Variants in OR9G4 observed in about 807,000 individuals in gnomAD.
OR9G4 encodes olfactory receptor 9G4.
In OR9G4, 19 loss-of-function variants were observed where a neutral mutation model predicts 16.7. That is an observed-to-expected ratio of 1.14 (90% CI 0.79 to 1.67). The LOEUF is 1.67. Among genes scored for constraint, OR9G4 ranks in the 40% most tolerant of loss-of-function variants. OR9G4 has a pLI of 0.00. For missense variants in OR9G4, 428 were observed against 370.4 expected (o/e 1.16, Z -1.28); for synonymous variants, 182 against 146.2 (o/e 1.24, Z -1.76).
Position 56,742,739 on chromosome 11 carries a change from C to T in OR9G4, c.*89G>A, listed in dbSNP as rs1858320347. 3 of 1,152,860 alleles carry T rather than the reference C, an allele frequency of 2.6e-6. No homozygotes were observed. Among genetic ancestry groups the T allele is most frequent in the Non-Finnish European group, 3.7e-6 (3 of 804,360 alleles). 71.4% of individuals were successfully genotyped at this position (1,152,860 alleles called of 1,614,324 possible). ...AATGTTTTAAATATGACTTATTGAA[C>T]TTAATTGAACTACAGAAATGCAAAT... On this transcript the variant is annotated 3_prime_UTR_variant, in exon 2 of 2. Coordinates refer to ENST00000641668, the MANE Select transcript of OR9G4 (RefSeq NM_001005284.2).
chr11:56,747,186 A>T (rs200074401), intron 1 of OR9G4, among the ~76,000 whole-genome samples: 6 of 35,886 alleles, frequency 1.7e-4, no homozygotes, highest in East Asian at 1.4e-3. Flanking sequence ...TCAAAGATTT[A>T]TTATTATTAT....
chr11:56,742,640 TAA>T lies in OR9G4; in HGVS notation c.*186_*187del. On this transcript the variant is annotated 3_prime_UTR_variant, in exon 2 of 2. Transcript: ENST00000641668. ...CAGAATGCCAAACAACCCAATATTA[TAA>T]GTTTTAAATATTACTTTGTTTTGTT... 3.4e-6 allele frequency: 2 copies of T among 587,136 alleles called. No individual in the cohort carries two copies. The highest frequency in any genetic ancestry group is 4.7e-5 in the South Asian group (2 of 42,426). The allele number at this position is 587,136 out of a possible 1,614,324, so 36.4% of individuals were successfully genotyped here.
At position 56,741,469 on chromosome 11, in the gene OR9G4, A is replaced by G. The variant is rs1167041719; in HGVS notation, c.*1359T>C. ...TATTATGGAGATGAAAAGAAAACAT[A>G]ATATGGATCATTGATATTTGCGGGA... On this transcript the variant is annotated 3_prime_UTR_variant, in exon 2 of 2. Transcript: ENST00000641668. 6.4e-6 allele frequency: 1 copy of G among 155,720 alleles called. No individual in the cohort carries two copies. The highest frequency in any genetic ancestry group is 2.4e-5 in the African/African-American group (1 of 41,490). 9.6% of individuals were successfully genotyped at this position (155,720 alleles called of 1,614,324 possible). A position where few individuals can be genotyped will look rare whatever the true frequency, so the allele number is the denominator to read the frequency against.
intron 1 of OR9G4, among the ~76,000 whole-genome samples, chr11:56,744,319 G>T (rs967946605): frequency 1.3e-5 from 2 of 152,184 alleles, no homozygotes; most frequent in African/African-American, 2.4e-5. Flanking sequence ...CTCCCAAAGT[G>T]CTGGGATTAC....
At position 56,741,506 on chromosome 11, in the gene OR9G4, T is replaced by G. The variant is rs1338091781; in HGVS notation, c.*1322A>C. 1 of 152,930 alleles carries G rather than the reference T, an allele frequency of 6.5e-6. No homozygotes were observed. The highest frequency in any genetic ancestry group is 1.9e-4 in the East Asian group (1 of 5,192). 9.5% of individuals were successfully genotyped at this position (152,930 alleles called of 1,614,324 possible). ...TGATATTTGCGGGATACACCCCAAA[T>G]CCTTCTAGTCAAGTACTCAAACAGC... is the stretch of plus-strand genomic sequence containing the variant. On this transcript the variant is annotated 3_prime_UTR_variant, in exon 2 of 2. Transcript: ENST00000641668.
Position 56,743,803 on chromosome 11 carries a change from G to A in OR9G4, c.-22-15C>T. ...TGAAAGCCTGACTATCATGAGAAGG[G>A]AAAATCATCACTTAGTGTTTTTTCT... On this transcript the variant is annotated splice_polypyrimidine_tract_variant and intron_variant, in intron 1 of 1. Coordinates refer to ENST00000641668, the MANE Select transcript of OR9G4 (RefSeq NM_001005284.2). 1.2e-6 allele frequency: 2 copies of A among 1,608,202 alleles called. No homozygotes were observed. Among genetic ancestry groups the A allele is most frequent in the African/African-American group, 1.3e-5 (1 of 74,758 alleles).
Position 56,743,704 on chromosome 11 carries a change from G to T in OR9G4, c.63C>A (p.Ser21=). 5 of 1,614,140 alleles carry T rather than the reference G, an allele frequency of 3.1e-6. No homozygotes were observed. The highest frequency in any genetic ancestry group is 2.2e-5 in the South Asian group (2 of 91,082). The change falls in exon 2 of 2, where the codon TCC becomes TCA. Residue 21 remains serine (S), a synonymous_variant. Transcript: ENST00000641668. Reference sequence around the variant, plus strand: ...CTCCAAATAGAATCGGCTGCCACTGGGAATCTGCTGAGAAACCCAACAAGA... The same window carrying T: ...CTCCAAATAGAATCGGCTGCCACTGTGAATCTGCTGAGAAACCCAACAAGA... ...EFILLGFSAD[S]QWQPILFGVF...
At chr11:56,745,742 A>G (rs1039764376) in intron 1 of OR9G4, among the ~76,000 whole-genome samples, 1 of 151,342 alleles carries the variant, frequency 6.6e-6, no homozygotes, top group African/African-American at 2.4e-5. Flanking sequence ...ATTGCACTCC[A>G]GCAAGGGTGA....
chr11:56,745,894 G>A (rs1858401948), intron 1 of OR9G4, among the ~76,000 whole-genome samples: 1 of 152,148 alleles, frequency 6.6e-6, no homozygotes, highest in African/African-American at 2.4e-5. Flanking sequence ...GGGATACACA[G>A]GACATTACCA....
chr11:56,743,782 AG>A lies in OR9G4; in HGVS notation c.-17del, dbSNP rs746318657. The A allele has an allele frequency of 1.9e-6, 3 of 1,613,516 alleles. No individual in the cohort carries two copies. Among genetic ancestry groups the A allele is most frequent in the Non-Finnish European group, 2.5e-6 (3 of 1,179,758 alleles). On this transcript the variant is annotated 5_prime_UTR_variant, in exon 2 of 2. Coordinates refer to ENST00000641668, the MANE Select transcript of OR9G4 (RefSeq NM_001005284.2). ...CCACTTCCATGTCCACGGAGGTGAA[AG>A]CCTGACTATCATGAGAAGGGAAAAT...
rs987007687 is a variant in OR9G4, at chr11:56,741,529, A to G, written c.*1299T>C. 6.6e-6 allele frequency: 1 copy of G among 152,500 alleles called. No individual in the cohort carries two copies. Among genetic ancestry groups the G allele is most frequent in the Non-Finnish European group, 1.5e-5 (1 of 68,290 alleles). The allele number at this position is 152,500 out of a possible 1,614,324, so 9.4% of individuals were successfully genotyped here. On this transcript the variant is annotated 3_prime_UTR_variant, in exon 2 of 2. Transcript: ENST00000641668. ...AATCCTTCTAGTCAAGTACTCAAAC[A>G]GCTTCCTTTGTGATAGAGGAATAAG...
chr11:56,741,270 A>T lies in OR9G4; in HGVS notation c.*1558T>A, dbSNP rs944819129. On this transcript the variant is annotated 3_prime_UTR_variant, in exon 2 of 2. Transcript: ENST00000641668. The stretch of plus-strand genomic sequence containing the variant: ...TGTTATGATTTTGAGATCAGACTAT[A>T]ATATATACTACAGTATTGTAGATTC... 6.0e-6 allele frequency: 2 copies of T among 335,716 alleles called. No individual in the cohort carries two copies. The highest frequency in any genetic ancestry group is 4.4e-5 in the African/African-American group (2 of 45,872). 20.8% of individuals were successfully genotyped at this position (335,716 alleles called of 1,614,324 possible).
intron 1 of OR9G4, among the ~76,000 whole-genome samples, chr11:56,744,354 G>A (rs751837882): frequency 3.3e-5 from 5 of 152,078 alleles, no homozygotes; most frequent in African/African-American, 4.8e-5. Context: ...GCACCTGGCC[G>A]ACTAGTAACT....
rs1565064492 is a variant in OR9G4 at position 56,743,012 on chromosome 11, T to C, written c.755A>G (p.Tyr252Cys). The change falls in exon 2 of 2, where the codon TAT (tyrosine) becomes TGT (cysteine). Residue 252 changes from tyrosine to cysteine, a missense_variant. By Grantham distance (194) the Tyr-to-Cys change is radical (BLOSUM62 -2). Coordinates refer to ENST00000641668, the MANE Select transcript of OR9G4 (RefSeq NM_001005284.2). ...TGAATACATAAACAACAATGATCCA[T>C]AGAAGAGCATGACTGAGATGAGGTG... Reference protein sequence around the residue: ...ASHLISVMLFYGSLLFMYSRP... With the variant: ...ASHLISVMLFCGSLLFMYSRP... 3 of 1,613,878 alleles carry C rather than the reference T, an allele frequency of 1.9e-6. No individual in the cohort carries two copies. Among genetic ancestry groups the C allele is most frequent in the Non-Finnish European group, 2.5e-6 (3 of 1,179,894 alleles).
Position 56,743,266 on chromosome 11 carries a change from A to G in OR9G4, c.501T>C (p.His167=), listed in dbSNP as rs1590607099. The G allele has an allele frequency of 6.2e-7, 1 of 1,614,200 alleles. No homozygotes were observed. The highest frequency in any genetic ancestry group is 8.5e-7 in the Non-Finnish European group (1 of 1,180,030). Residue 167 remains histidine (H), a synonymous_variant, in exon 2 of 2, where the codon CAT becomes CAC. Transcript: ENST00000641668. ...GGTCAATGATATTTTTACCACAAAA[A>G]TGCAGGCGGAATGTATTGGCAGTAT... is the stretch of plus-strand genomic sequence containing the variant. ...IAHTANTFRL[H]FCGKNIIDHF...
chr11:56,747,364 A>G (rs1001536389), intron 1 of OR9G4, among the ~76,000 whole-genome samples: 2 of 151,904 alleles, frequency 1.3e-5, no homozygotes, highest in African/African-American at 2.4e-5. Flanking sequence ...TTTAAATTCC[A>G]TGCCCCTTTT....
At position 56,742,684 on chromosome 11, in the gene OR9G4, A is replaced by C; in HGVS notation, c.*144T>G. On this transcript the variant is annotated 3_prime_UTR_variant, in exon 2 of 2. Transcript: ENST00000641668. ...TGTTTTGTTTACATCATAACAAACG[A>C]ATAACAAGGAGTCATGTGGTCAATA... is the stretch of plus-strand genomic sequence containing the variant. 1.4e-6 allele frequency: 1 copy of C among 697,748 alleles called. No homozygotes were observed. The highest frequency in any genetic ancestry group is 2.4e-6 in the Non-Finnish European group (1 of 416,166). The allele number at this position is 697,748 out of a possible 1,614,324, so 43.2% of individuals were successfully genotyped here.
intron 1 of OR9G4, among the ~76,000 whole-genome samples, chr11:56,747,521 A>G (rs1858436634): frequency 6.6e-6 from 1 of 152,194 alleles, no homozygotes; most frequent in Non-Finnish European, 1.5e-5. Context: ...TGCAACATCT[A>G]TACAGCAAAA....
intron 1 of OR9G4, among the ~76,000 whole-genome samples, chr11:56,746,200 G>A (rs1858411379): frequency 6.8e-6 from 1 of 146,734 alleles, no homozygotes; most frequent in African/African-American, 2.5e-5. Flanking sequence ...GGCTGAGGCA[G>A]GAGAATGGCG....
Sources: gnomAD v4.1 joint callset for allele counts (sites outside exome capture counted in the v4.1 genomes callset) on GRCh38, gnomAD v4.1.1 for gene constraint, MANE v1.5 for transcripts, NCBI Gene and HGNC (gene_info 2026-07-23, HGNC 2026-07-21) for gene names.